The following FAM120C variants were observed in gnomAD, a reference collection of about 807,000 sequenced individuals.
FAM120C encodes the protein constitutive coactivator of PPAR-gamma-like protein 2.
A neutral mutation model predicts 71.2 loss-of-function variants in FAM120C; 14 were observed. That is an observed-to-expected ratio of 0.20 (90% CI 0.13 to 0.31). The LOEUF is 0.31. Among genes scored for constraint, FAM120C ranks in the 10% least tolerant of loss-of-function variants. The pLI, the probability that FAM120C is intolerant of heterozygous loss-of-function variation, is 1.00. For synonymous variants in FAM120C, 354 were observed against 353.2 expected (o/e 1.00, Z -0.03); for missense variants, 500 against 879.0 (o/e 0.57, Z 5.45).
Position 54,153,271 on chromosome X carries a change from AG to A in FAM120C, c.1030-1899del, listed in dbSNP as rs1200995594. 2.7e-5 allele frequency among the ~76,000 whole-genome samples: 3 copies of A among 110,969 alleles called. No individual in the cohort carries two copies. In the Admixed American group the frequency reaches 2.9e-4, roughly 11 times the overall value. The stretch of plus-strand genomic sequence containing the variant: ...TAGCTATGAGGGGAAAAGTATTCCA[AG>A]TAGGGAGAATGATAAGTGCAAAGGT... On this transcript the variant is annotated intron_variant, in intron 3 of 15. Transcript: ENST00000375180.
At chrX:54,155,244 A>G (rs1352266294) in intron 3 of FAM120C, among the ~76,000 whole-genome samples, 1 of 111,651 alleles carries the variant, frequency 9.0e-6, no homozygotes, top group Non-Finnish European at 1.9e-5. Context: ...TCAGAAAAGA[A>G]AAGAGAAAGG....
chrX:54,130,046 A>T (rs1234283125), intron 9 of FAM120C, among the ~76,000 whole-genome samples: 1 of 81,438 alleles, frequency 1.2e-5, no homozygotes, highest in African/African-American at 4.6e-5. Flanking sequence ...GGAGAGGGAG[A>T]GGGAGAGGGA....
chrX:54,118,600 T>C (rs1396587587), intron 9 of FAM120C, among the ~76,000 whole-genome samples: 1 of 109,040 alleles, frequency 9.2e-6, no homozygotes. Flanking sequence ...CTCTGCATCC[T>C]CTCCGGGATA....
At chrX:54,138,385 A>T (rs1557130967) in intron 4 of FAM120C, among the ~76,000 whole-genome samples, 1 of 106,364 alleles carries the variant, frequency 9.4e-6, no homozygotes, top group Non-Finnish European at 1.9e-5. Context: ...CTGTAGTCCC[A>T]GGCACTTGGG....
chrX:54,167,496 T>A (rs1879298252), intron 1 of FAM120C, among the ~76,000 whole-genome samples: 1 of 111,531 alleles, frequency 9.0e-6, no homozygotes, highest in Non-Finnish European at 1.9e-5. Flanking sequence ...TGGTTCACCA[T>A]TCAGTTCAGT....
intron 4 of FAM120C, among the ~76,000 whole-genome samples, chrX:54,142,831 C>T (rs1209423949): frequency 8.9e-6 from 1 of 112,108 alleles, no homozygotes; most frequent in Non-Finnish European, 1.9e-5. Context: ...AACTGGGAGA[C>T]ACCTCCCAGT....
chrX:54,155,158 C>T (rs978147745), intron 3 of FAM120C, among the ~76,000 whole-genome samples: 39 of 110,986 alleles, frequency 3.5e-4, no homozygotes, highest in Non-Finnish European at 7.0e-4. Flanking sequence ...GAGCCATGAT[C>T]GCCCCACTGC....
rs1557120246 is a variant in FAM120C at position 54,073,161 on chromosome X, G to T, written c.3163C>A (p.Gln1055Lys). 8.3e-7 allele frequency: 1 copy of T among 1,211,481 alleles called. No individual in the cohort carries two copies. The highest frequency in any genetic ancestry group is 2.2e-5 in the Admixed American group (1 of 45,922). The change falls in exon 16 of 16, where the codon CAA (glutamine) becomes AAA (lysine). Residue 1055 changes from glutamine to lysine, a missense_variant. Around this residue, in one of 11 missense-constraint regions of FAM120C, gnomAD observed 85 missense variants for 96.1 expected, o/e 0.88. Coordinates refer to ENST00000375180, the MANE Select transcript of FAM120C (RefSeq NM_017848.6). ...KSDHRLPAPS[Q>K]CALSRDSNEC... is the part of the protein sequence containing the mutation. ...TTGCTGTCTCTGGATAAGGCACATT[G>T]TGATGGAGCTGGAAGACGATGATCA...
chrX:54,160,102 A>G (rs1213432711), intron 1 of FAM120C, among the ~76,000 whole-genome samples: 1 of 111,398 alleles, frequency 9.0e-6, no homozygotes, highest in Admixed American at 9.6e-5. Flanking sequence ...AAACAATAAC[A>G]TTAGAGACTT....
rs781789600 is a variant in FAM120C at position 54,073,236 on chromosome X, G to A, written c.3088C>T (p.Arg1030Cys). The change falls in exon 16 of 16, where the codon CGC (arginine) becomes TGC (cysteine). Residue 1030 changes from arginine to cysteine, a missense_variant. This residue lies in a region of FAM120C where 85 missense variants were observed against 96.1 expected (regional missense o/e 0.88). Coordinates refer to ENST00000375180, the MANE Select transcript of FAM120C (RefSeq NM_017848.6). ...KSLELHQGRS[R>C]SQVNGNSGAL... ...CCACTGTTTCCATTTACCTGGGAGC[G>A]AGACCGACCTTGATGAAGCTCCAGG... 8.3e-6 allele frequency: 10 copies of A among 1,208,483 alleles called. No homozygotes were observed. The highest frequency in any genetic ancestry group is 5.9e-5 in the East Asian group (2 of 33,733).
intron 10 of FAM120C, among the ~76,000 whole-genome samples, chrX:54,110,146 A>G (rs1317196591): frequency 3.9e-5 from 4 of 102,905 alleles, no homozygotes; most frequent in African/African-American, 1.4e-4. Context: ...CCTCCTGAGT[A>G]GCTGGGATTA....
rs782286814 is a variant in FAM120C at position 54,129,793 on chromosome X, G to A, written c.2062+2899C>T. ...GGCTCCTCGGGAGGCCGAGGCTGGCGGATCACTTGCGGTTAGGAGCTGGAG... is the reference window on the plus strand; with the variant it reads ...GGCTCCTCGGGAGGCCGAGGCTGGCAGATCACTTGCGGTTAGGAGCTGGAG... On this transcript the variant is annotated intron_variant, in intron 9 of 15. Transcript: ENST00000375180. Among the ~76,000 whole-genome samples the A allele has an allele frequency of 5.3e-5, 6 of 112,257 alleles. No individual in the cohort carries two copies. In the East Asian group the frequency reaches 8.6e-4, roughly 16 times the overall value.
intron 15 of FAM120C, among the ~76,000 whole-genome samples, chrX:54,077,641 C>T (rs1162535709): frequency 9.0e-6 from 1 of 110,994 alleles, no homozygotes; most frequent in Non-Finnish European, 1.9e-5. Flanking sequence ...TGCACTCTAG[C>T]TTGGGTGACA....
At chrX:54,152,097 A>C (rs1438800975) in intron 3 of FAM120C, among the ~76,000 whole-genome samples, 2 of 108,444 alleles carry the variant, frequency 1.8e-5, no homozygotes, top group African/African-American at 3.4e-5. Flanking sequence ...GGCTCAATGC[A>C]ACCTCTGCTT....
chrX:54,151,212 G>A (rs1308509976), intron 4 of FAM120C, 33 bp downstream of exon 4: 7 of 1,203,063 alleles, frequency 5.8e-6, no homozygotes, highest in East Asian at 3.0e-5. Context: ...GTAAGAAAAC[G>A]GAGGACTCTT....
At chrX:54,176,250 C>T (rs781832992) in intron 1 of FAM120C, among the ~76,000 whole-genome samples, 9 of 110,366 alleles carry the variant, frequency 8.2e-5, no homozygotes, top group Non-Finnish European at 1.3e-4. Flanking sequence ...CTGGCCAACA[C>T]GGTGAAACCC....
chrX:54,106,725 A>C (rs2066908739), intron 10 of FAM120C, among the ~76,000 whole-genome samples: 1 of 112,320 alleles, frequency 8.9e-6, no homozygotes, highest in Non-Finnish European at 1.9e-5. Context: ...AAACTCCATC[A>C]AAAAGTGGGC....
In FAM120C at chrX:54,141,684, T is replaced by C. The variant is rs190154719; in HGVS notation, c.1159-5094A>G. Reference sequence around the variant, plus strand: ...AATAAAATAAAATGGTCATTATCCATAGACAATATGATCACCTACACAGAA... The same window carrying C: ...AATAAAATAAAATGGTCATTATCCACAGACAATATGATCACCTACACAGAA... On this transcript the variant is annotated intron_variant, in intron 4 of 15. Coordinates refer to ENST00000375180, the MANE Select transcript of FAM120C (RefSeq NM_017848.6). Among the ~76,000 whole-genome samples, 378 of 110,425 alleles carry C rather than the reference T, an allele frequency of 3.4e-3. 2 individuals are homozygous for C. Among genetic ancestry groups the C allele is most frequent in the Middle Eastern group, 4.9e-3 (1 of 204 alleles).
intron 4 of FAM120C, among the ~76,000 whole-genome samples, chrX:54,147,954 C>T (rs1380379541): frequency 9.0e-6 from 1 of 111,489 alleles, no homozygotes; most frequent in Non-Finnish European, 1.9e-5. Context: ...ACCTCAGCCT[C>T]CCAAAGTGTG....
Sources: allele counts gnomAD v4.1 joint callset (sites outside exome capture counted in the v4.1 genomes callset), GRCh38; gene constraint gnomAD v4.1.1; regional missense constraint gnomAD v4.1.1; transcripts MANE v1.5; gene names NCBI Gene and HGNC (gene_info 2026-07-23, HGNC 2026-07-21).